RNF144B: variants seen among roughly 807,000 people sequenced by gnomAD.
RNF144B encodes ring finger protein 144B.
A neutral mutation model predicts 40.2 loss-of-function variants in RNF144B; 25 were observed. The observed-to-expected ratio is 0.62, with a 90% CI of 0.45 to 0.87. The LOEUF (loss-of-function observed/expected upper bound fraction) is 0.87. Ranked by LOEUF, RNF144B falls within the 40% of genes least tolerant of loss-of-function variation. RNF144B has a pLI of 0.00. For synonymous variants in RNF144B, 145 were observed against 136.3 expected, an observed-to-expected ratio of 1.06 and a Z score of -0.44; for missense variants, 365 against 373.7, an observed-to-expected ratio of 0.98 and a Z score of 0.19.
chr6:18,390,652 G>A (rs1794561345), intron 1 of RNF144B, among the ~76,000 whole-genome samples: 1 of 152,184 alleles, frequency 6.6e-6, no homozygotes, highest in South Asian at 2.1e-4. Flanking sequence ...TTGAGTCCCA[G>A]CCCTTCATCA....
rs556413704 is a variant in RNF144B at position 18,406,116 on chromosome 6, G to GATC, written c.165+6419_165+6421dup. 19 of 519,010 alleles carry GATC rather than the reference G, an allele frequency of 3.7e-5. No homozygotes were observed. The highest frequency in any genetic ancestry group is 3.3e-4 in the African/African-American group (17 of 52,064). The allele number at this position is 519,010 out of a possible 1,614,324, so 32.2% of individuals were successfully genotyped here. ...TGATGGTTTGAATATAGTGGTGAAC[G>GATC]ATCAGATTAAGCCCTGGTTTTCAAA... On this transcript the variant is annotated intron_variant, in intron 2 of 7. Transcript: ENST00000259939. The surrounding 1 kb of genome is among the most constrained non-coding windows in gnomAD (Gnocchi z 4.2).
Position 18,422,552 on chromosome 6 carries a change from G to T in RNF144B, c.166-5029G>T, listed in dbSNP as rs1758449931. ...GCTGAGCTATGGATGAGAAAACCTA[G>T]GTCAATAGTTCACCAACTCACCTTC... On this transcript the variant is annotated intron_variant, in intron 2 of 7. Coordinates refer to ENST00000259939, the MANE Select transcript of RNF144B (RefSeq NM_182757.4). This position sits in a 1 kb window ranked among gnomAD's most constrained non-coding sequence, Gnocchi z 4.7. Among the ~76,000 whole-genome samples the T allele has an allele frequency of 6.6e-6, 1 of 152,030 alleles. No homozygotes were observed. Among genetic ancestry groups the T allele is most frequent in the African/African-American group, 2.4e-5 (1 of 41,352 alleles).
intron 1 of RNF144B, chr6:18,396,792 T>C (rs1033980870): frequency 7.1e-6 from 7 of 985,380 alleles, no homozygotes; most frequent in Non-Finnish European, 8.4e-6. Flanking sequence ...TGATGACAGT[T>C]GTTTAAGCAT....
intron 3 of RNF144B, 150 bp from the exon 4 acceptor site, chr6:18,439,534 T>C: frequency 1.7e-6 from 1 of 584,424 alleles, no homozygotes; most frequent in African/African-American, 1.9e-5. Context: ...GCATGTGTTT[T>C]ACTACATGAA....
chr6:18,461,152 T>G (rs1759444166), intron 6 of RNF144B, among the ~76,000 whole-genome samples: 1 of 152,110 alleles, frequency 6.6e-6, no homozygotes, highest in Non-Finnish European at 1.5e-5. Flanking sequence ...CATGTATGAA[T>G]AAGAATAATA....
rs1794683067 is a variant in RNF144B at position 18,395,774 on chromosome 6, G to T, written c.-36-3725G>T. Among the ~76,000 whole-genome samples, 1 of 152,074 alleles carries T rather than the reference G, an allele frequency of 6.6e-6. No homozygotes were observed. The highest frequency in any genetic ancestry group is 2.4e-5 in the African/African-American group (1 of 41,396). ...GGACTGGCTCTGGACACCCACTATT[G>T]GGTGCTGGCACTTGTCTACCTGAAT... On this transcript the variant is annotated intron_variant, in intron 1 of 7. Coordinates refer to ENST00000259939, the MANE Select transcript of RNF144B (RefSeq NM_182757.4). The surrounding 1 kb of genome is among the most constrained non-coding windows in gnomAD (Gnocchi z 4.5).
rs565569960 is a variant in RNF144B, at chr6:18,453,284, G to A, written c.332-3871G>A. On this transcript the variant is annotated intron_variant, in intron 4 of 7. Transcript: ENST00000259939. ...CTCCCTAGTAGCTGGGATCACAGGC[G>A]CCCACCACCACATCTGGCTAATTTT... Among the ~76,000 whole-genome samples, 393 of 150,928 alleles carry A rather than the reference G, an allele frequency of 2.6e-3. 1 individual carries two copies. The highest frequency in any genetic ancestry group is 9.3e-3 in the African/African-American group (382 of 41,080).
chr6:18,427,793 G>GGTTA (rs1758597114), intron 3 of RNF144B, 108 bp downstream of exon 3: 1 of 719,084 alleles, frequency 1.4e-6, no homozygotes, highest in Admixed American at 2.8e-5. Context: ...AAAATACAGA[G>GGTTA]GTTAACTTTT....
Position 18,405,965 on chromosome 6 carries a change from C to A in RNF144B, c.165+6266C>A. The A allele has an allele frequency of 4.0e-6, 2 of 498,022 alleles. No homozygotes were observed. Among genetic ancestry groups the A allele is most frequent in the Admixed American group, 4.1e-5 (2 of 49,344 alleles). 30.9% of individuals were successfully genotyped at this position (498,022 alleles called of 1,614,324 possible). A position where few individuals can be genotyped will look rare whatever the true frequency, so the allele number is the denominator to read the frequency against. On this transcript the variant is annotated intron_variant, in intron 2 of 7. Transcript: ENST00000259939. This position sits in a 1 kb window ranked among gnomAD's most constrained non-coding sequence, Gnocchi z 4.5. ...GACCTTAGATCTTCTAGTTCCCCCA[C>A]CCTCCTAATGAAAGAAGTCATTTTC...
intron 1 of RNF144B, among the ~76,000 whole-genome samples, chr6:18,388,344 G>C (rs759650926): frequency 6.6e-6 from 1 of 152,116 alleles, no homozygotes. Context: ...TGGCATTTCT[G>C]GACGTTTATT....
rs549749905 is a variant in RNF144B, at chr6:18,430,990, C to T, written c.270+3305C>T. Among the ~76,000 whole-genome samples the T allele has an allele frequency of 3.4e-4, 52 of 152,178 alleles. 1 individual carries two copies. The South Asian group carries it at 5.6e-3, about 16-fold the overall frequency. ...AGGTGCAGTGGCTCACGCCTGTAAT[C>T]CCAGCACTTTGGGAGGCTGAGGTGG... On this transcript the variant is annotated intron_variant, in intron 3 of 7. Transcript: ENST00000259939.
rs1175358227 is a variant in RNF144B at position 18,450,561 on chromosome 6, A to C, written c.332-6594A>C. 6.6e-6 allele frequency among the ~76,000 whole-genome samples: 1 copy of C among 152,114 alleles called. No homozygotes were observed. Among genetic ancestry groups the C allele is most frequent in the East Asian group, 1.9e-4 (1 of 5,184 alleles). On this transcript the variant is annotated intron_variant, in intron 4 of 7. Transcript: ENST00000259939. The surrounding 1 kb of genome is among the most constrained non-coding windows in gnomAD (Gnocchi z 4.7). ...TGATCCACCCACCTCGGCCTCCCAA[A>C]GTGCTAGGATTACAGTTGTGAGCCA... is the stretch of plus-strand genomic sequence containing the variant.
chr6:18,388,276 A>G (rs1293505196), intron 1 of RNF144B, among the ~76,000 whole-genome samples: 2 of 152,258 alleles, frequency 1.3e-5, no homozygotes, highest in Non-Finnish European at 2.9e-5. Flanking sequence ...TGCCACATGT[A>G]TCTTATCAAA....
intron 2 of RNF144B, among the ~76,000 whole-genome samples, chr6:18,402,764 G>T (rs1461195382): frequency 6.6e-6 from 1 of 152,292 alleles, no homozygotes; most frequent in African/African-American, 2.4e-5. Flanking sequence ...AAAGGAATGT[G>T]GTAGATGTTG....
rs184773576 is a variant in RNF144B at position 18,414,093 on chromosome 6, G to A, written c.166-13488G>A. 4.6e-4 allele frequency among the ~76,000 whole-genome samples: 70 copies of A among 152,264 alleles called. No individual in the cohort carries two copies. Among genetic ancestry groups the A allele is most frequent in the African/African-American group, 1.4e-3 (58 of 41,536 alleles). On this transcript the variant is annotated intron_variant, in intron 2 of 7. Transcript: ENST00000259939. The surrounding 1 kb of genome is among the most constrained non-coding windows in gnomAD (Gnocchi z 4.9). ...GAATATTGTGAGGTGAGGAATAGTC[G>A]TGGTCTTGATGCAATGTAACTTATA...
chr6:18,411,462 CATATATATATAT>C (rs767477071), intron 2 of RNF144B, among the ~76,000 whole-genome samples: 2,880 of 59,188 alleles, frequency 0.049, 381 homozygotes, highest in Admixed American at 0.16. Flanking sequence ...GTGCATGATT[CATATATATATAT>C]ATATATATAT....
At chr6:18,421,127 C>T (rs1758405945) in intron 2 of RNF144B, among the ~76,000 whole-genome samples, 2 of 151,832 alleles carry the variant, frequency 1.3e-5, no homozygotes, top group Admixed American at 6.6e-5. Context: ...GTGGTGCGCA[C>T]CTGTGGTCCC....
intron 3 of RNF144B, among the ~76,000 whole-genome samples, chr6:18,437,434 A>G (rs1758849006): frequency 6.6e-6 from 1 of 152,146 alleles, no homozygotes; most frequent in South Asian, 2.1e-4. Context: ...GTGAGACCTC[A>G]TCTCTTAAAA....
intron 1 of RNF144B, 125 bp downstream of exon 1, chr6:18,387,755 C>A: frequency 1.5e-6 from 1 of 657,192 alleles, no homozygotes; most frequent in Non-Finnish European, 2.2e-6. Context: ...GTCTCTAGTG[C>A]TCAAACCATA....
Sources: gnomAD v4.1 joint callset for allele counts (sites outside exome capture counted in the v4.1 genomes callset) on GRCh38, gnomAD v4.1.1 for gene constraint, Gnocchi (gnomAD v3.1) non-coding constraint, MANE v1.5 for transcripts, NCBI Gene and HGNC (gene_info 2026-07-23, HGNC 2026-07-21) for gene names.